ARHGAP26: variants seen among roughly 807,000 people sequenced by gnomAD.
ARHGAP26 encodes the protein Rho GTPase activating protein 26, also known as rho GTPase-activating protein 26.
A neutral mutation model predicts 104.8 loss-of-function variants in ARHGAP26; 38 were observed. The observed-to-expected ratio is 0.36, with a 90% CI of 0.28 to 0.48. The LOEUF (loss-of-function observed/expected upper bound fraction) is 0.48, where lower values mean the gene tolerates loss of function less well. ARHGAP26 is among the 20% of genes least tolerant of loss of function. The pLI is 0.99. For missense variants in ARHGAP26, 704 were observed against 947.9 expected (o/e 0.74, Z 3.38); for synonymous variants, 341 against 340.0 (o/e 1.00, Z -0.03).
At chr5:143,109,729 C>T (rs1794530252) in intron 17 of ARHGAP26, among the ~76,000 whole-genome samples, 2 of 152,228 alleles carry the variant, frequency 1.3e-5, no homozygotes, top group African/African-American at 4.8e-5. Flanking sequence ...TGCAAGCCGC[C>T]ACACCCGGCC....
rs1162535877 is a variant in ARHGAP26, at chr5:142,890,136, T to TAAAAAAAAAAAA, written c.487-4097_487-4086dup. On this transcript the variant is annotated intron_variant, in intron 5 of 22. Transcript: ENST00000645722. Reference sequence around the variant, plus strand: ...GGGTAACAAGAGCGAAACTCCGTCTTAAAAAAAAAAAAAAAATATATATAT... The same window carrying TAAAAAAAAAAAA: ...GGGTAACAAGAGCGAAACTCCGTCTTAAAAAAAAAAAAAAAAAAAAAAAAAAAATATATATAT... Among the ~76,000 whole-genome samples the TAAAAAAAAAAAA allele has an allele frequency of 6.2e-4, 18 of 29,198 alleles. 1 individual carries two copies. Among genetic ancestry groups the TAAAAAAAAAAAA allele is most frequent in the South Asian group, 6.0e-3 (2 of 332 alleles). 19.2% of individuals were successfully genotyped at this position (29,198 alleles called of 152,430 possible). A position where few individuals can be genotyped will look rare whatever the true frequency, so the allele number is the denominator to read the frequency against.
intron 11 of ARHGAP26, among the ~76,000 whole-genome samples, chr5:142,973,222 A>T (rs1772540553): frequency 6.6e-6 from 1 of 152,184 alleles, no homozygotes; most frequent in South Asian, 2.1e-4. Context: ...GAGATCGTTA[A>T]AAAGGCATTG....
intron 5 of ARHGAP26, among the ~76,000 whole-genome samples, chr5:142,886,958 G>T (rs868139629): frequency 6.6e-6 from 1 of 152,206 alleles, no homozygotes; most frequent in Admixed American, 6.5e-5. Flanking sequence ...GACCAGGTCT[G>T]CCCAGCTCTC....
At chr5:142,824,944 A>G (rs1416366806) in intron 1 of ARHGAP26, among the ~76,000 whole-genome samples, 1 of 152,200 alleles carries the variant, frequency 6.6e-6, no homozygotes, top group Non-Finnish European at 1.5e-5. Flanking sequence ...AAGGGAGAAA[A>G]TGGGCTCTTA....
At chr5:143,097,837 AG>A (rs1384985347) in intron 17 of ARHGAP26, among the ~76,000 whole-genome samples, 1 of 151,224 alleles carries the variant, frequency 6.6e-6, no homozygotes, top group Non-Finnish European at 1.5e-5. Flanking sequence ...AAAAAAAAAA[AG>A]AAAATTACCC....
At chr5:143,096,701 C>G (rs188619178) in intron 17 of ARHGAP26, among the ~76,000 whole-genome samples, 2 of 145,648 alleles carry the variant, frequency 1.4e-5, no homozygotes, top group South Asian at 2.2e-4. Context: ...TTTTTTTAAT[C>G]TGTGAGTGTG....
chr5:143,054,540 A>G lies in ARHGAP26; in HGVS notation c.1373+14A>G. ...GACCTACCTAAGGTAGGGACTTTCCATTTGCAAGGCAGAGTGCCAGCTAGT... is the reference window on the plus strand; with the variant it reads ...GACCTACCTAAGGTAGGGACTTTCCGTTTGCAAGGCAGAGTGCCAGCTAGT... On this transcript the variant is annotated intron_variant, in intron 15 of 22. Transcript: ENST00000645722. The G allele has an allele frequency of 1.3e-6, 2 of 1,582,532 alleles. No homozygotes were observed. Among genetic ancestry groups the G allele is most frequent in the Non-Finnish European group, 1.7e-6 (2 of 1,156,742 alleles).
chr5:143,220,027 A>G (rs1323590294), intron 22 of ARHGAP26, among the ~76,000 whole-genome samples: 6 of 152,106 alleles, frequency 3.9e-5, no homozygotes, highest in African/African-American at 2.4e-5. Flanking sequence ...CTCAAATTGC[A>G]TTGTAAATGT....
intron 11 of ARHGAP26, among the ~76,000 whole-genome samples, chr5:142,943,238 A>G (rs905436103): frequency 1.4e-4 from 22 of 152,226 alleles, no homozygotes; most frequent in Non-Finnish European, 3.2e-4. Flanking sequence ...TTGGCTTGGC[A>G]TGACTTCCTA....
intron 17 of ARHGAP26, among the ~76,000 whole-genome samples, chr5:143,100,324 A>G (rs1319210268): frequency 6.6e-6 from 1 of 152,258 alleles, no homozygotes; most frequent in African/African-American, 2.4e-5. Context: ...ATCCATAAAG[A>G]ACAACCCTTG....
chr5:142,996,020 A>G (rs1663511073), intron 11 of ARHGAP26, among the ~76,000 whole-genome samples: 2 of 152,120 alleles, frequency 1.3e-5, no homozygotes, highest in African/African-American at 2.4e-5. Context: ...GGGAGGGAAC[A>G]TAACATACCG....
In ARHGAP26 at chr5:142,998,744, CA is replaced by C. The variant is rs1167897614; in HGVS notation, c.1108-15327del. On this transcript the variant is annotated intron_variant, in intron 11 of 22. Coordinates refer to ENST00000645722, the MANE Select transcript of ARHGAP26 (RefSeq NM_001135608.3). The stretch of plus-strand genomic sequence containing the variant: ...GTTTCCCCACCCCCTAAAAAAAGAA[CA>C]AAAAAAAAGAAAAAGGAAAAGAACA... 4.7e-5 allele frequency among the ~76,000 whole-genome samples: 7 copies of C among 149,242 alleles called. No homozygotes were observed. In the South Asian group the frequency reaches 6.4e-4, roughly 14 times the overall value.
chr5:143,103,198 G>T (rs1599024929), intron 17 of ARHGAP26: 1 of 982,964 alleles, frequency 1.0e-6, no homozygotes, highest in Non-Finnish European at 1.2e-6. Context: ...GACTAATTGT[G>T]CCTGGGACCT....
At chr5:143,092,678 T>A (rs2150540786) in intron 17 of ARHGAP26, among the ~76,000 whole-genome samples, 1 of 152,366 alleles carries the variant, frequency 6.6e-6, no homozygotes, top group Middle Eastern at 3.4e-3. Context: ...CTGTTAACTT[T>A]TAGCAAACTT....
rs549744633 is a variant in ARHGAP26 at position 142,996,041 on chromosome 5, G to T, written c.1108-18039G>T. ...GAACATAACATACCGGGGCCTACTG[G>T]GGGGTGGGGAGCAAGTGGAGGGATA... On this transcript the variant is annotated intron_variant, in intron 11 of 22. Transcript: ENST00000645722. Among the ~76,000 whole-genome samples the T allele has an allele frequency of 2.6e-5, 4 of 152,224 alleles. No homozygotes were observed. The South Asian group carries it at 8.3e-4, about 32-fold the overall frequency.
In ARHGAP26 at chr5:142,875,638, T is replaced by G. The variant is rs557916219; in HGVS notation, c.312+467T>G. On this transcript the variant is annotated intron_variant, in intron 3 of 22. Transcript: ENST00000645722. The stretch of plus-strand genomic sequence containing the variant: ...AGGAGGGACCCAGTAAACAGGTACT[T>G]TGTAATGAAGGTAACTATAAAAAGC... 5.9e-4 allele frequency among the ~76,000 whole-genome samples: 90 copies of G among 152,234 alleles called. 1 individual carries two copies. The highest frequency in any genetic ancestry group is 6.8e-3 in the Middle Eastern group (2 of 294).
At chr5:143,221,968 G>T (rs71576167) in intron 22 of ARHGAP26, among the ~76,000 whole-genome samples, 2,460 of 152,246 alleles carry the variant, frequency 0.016, 34 homozygotes, top group Non-Finnish European at 0.022. Flanking sequence ...ATGGATACAT[G>T]TATGGATGGA....
chr5:143,089,386 C>T (rs900979892), intron 17 of ARHGAP26, among the ~76,000 whole-genome samples: 3 of 152,196 alleles, frequency 2.0e-5, no homozygotes, highest in Non-Finnish European at 4.4e-5. Flanking sequence ...TTTCCATTTA[C>T]CGAACTACTT....
intron 4 of ARHGAP26, 60 bp from the exon 5 acceptor site, chr5:142,885,238 G>C (rs1173896988): frequency 7.2e-7 from 1 of 1,393,902 alleles, no homozygotes; most frequent in Non-Finnish European, 1.0e-6. Flanking sequence ...AGAGATGGAG[G>C]CTGCTTTTAT....
Sources: allele counts gnomAD v4.1 joint callset (sites outside exome capture counted in the v4.1 genomes callset), GRCh38; gene constraint gnomAD v4.1.1; transcripts MANE v1.5; gene names NCBI Gene and HGNC (gene_info 2026-07-23, HGNC 2026-07-21).